SPON2: variants seen among roughly 807,000 people sequenced by gnomAD.
SPON2 encodes the protein spondin 2.
SPON2 carries 32 observed loss-of-function variants against 29.9 expected under a neutral mutation model. The observed-to-expected ratio is 1.07, with a 90% CI of 0.81 to 1.44. The LOEUF (loss-of-function observed/expected upper bound fraction) is 1.44, where lower values mean the gene tolerates loss of function less well. Ranked by LOEUF, SPON2 falls within the 40% of genes most tolerant of loss-of-function variation. SPON2 has a pLI of 0.00. For synonymous variants in SPON2, 248 were observed against 209.1 expected (o/e 1.19, Z -1.61); for missense variants, 541 against 455.5 (o/e 1.19, Z -1.71).
chr4:1,201,685 C>A (rs1037358950), intron 1 of SPON2, among the ~76,000 whole-genome samples: 2 of 152,102 alleles, frequency 1.3e-5, no homozygotes, highest in African/African-American at 2.4e-5. Context: ...TGGGTTCACG[C>A]CATCCTCCTG....
rs764415891 is a variant in SPON2, at chr4:1,170,418, A to T, written c.795T>A (p.Ile265=). ...GTCCGTTACCTGAGGCGCTGTCTAC[A>T]ATCTCATTGTCCCTGCTGGGCAGGA... ...APVLPSRDNE[I]VDSASVPETP... is the part of the protein sequence containing the mutation. Residue 265 remains isoleucine (I), a synonymous_variant, in exon 5 of 6, where the codon ATT becomes ATA. Coordinates refer to ENST00000290902, the MANE Select transcript of SPON2 (RefSeq NM_012445.4). The T allele has an allele frequency of 6.2e-7, 1 of 1,613,370 alleles. No individual in the cohort carries two copies. Among genetic ancestry groups the T allele is most frequent in the Admixed American group, 1.7e-5 (1 of 59,794 alleles).
At position 1,171,965 on chromosome 4, in the gene SPON2, G is replaced by T. The variant is rs955970825; in HGVS notation, c.107C>A (p.Ser36Tyr). The T allele has an allele frequency of 6.2e-7, 1 of 1,612,958 alleles. No homozygotes were observed. The highest frequency in any genetic ancestry group is 2.2e-5 in the East Asian group (1 of 44,876). The change falls in exon 2 of 6, where the codon TCC becomes TAC. Residue 36 changes from serine (S) to tyrosine (Y), a missense_variant. Ser to Tyr is a moderately radical substitution (Grantham distance 144). Transcript: ENST00000290902. ...GCTGTATTTGGCCAGGGCTCTGGCG[G>T]AACAGATGGACTCTCCCCCAAGAGG... ...GQPLGGESIC[S>Y]ARALAKYSIT...
At chr4:1,184,724 G>A (rs557286913) in intron 1 of SPON2, among the ~76,000 whole-genome samples, 2 of 152,124 alleles carry the variant, frequency 1.3e-5, no homozygotes, top group South Asian at 4.2e-4. Context: ...CACGAGGTCA[G>A]GAGTTCATGA....
At chr4:1,194,336 G>C (rs1354777470) in intron 1 of SPON2, among the ~76,000 whole-genome samples, 1 of 152,174 alleles carries the variant, frequency 6.6e-6, no homozygotes, top group African/African-American at 2.4e-5. Context: ...CCCGATAGAG[G>C]GACCACTTCA....
At chr4:1,203,380 C>T (rs1728261977) in intron 1 of SPON2, among the ~76,000 whole-genome samples, 1 of 152,196 alleles carries the variant, frequency 6.6e-6, no homozygotes, top group Non-Finnish European at 1.5e-5. Context: ...CGTCTGACCT[C>T]CTTCACTTGG....
At chr4:1,168,713 A>G (rs370055106) in intron 5 of SPON2, among the ~76,000 whole-genome samples, 2 of 152,170 alleles carry the variant, frequency 1.3e-5, no homozygotes, top group Non-Finnish European at 2.9e-5. Flanking sequence ...CCTGGCTGCA[A>G]TGAGGAGTCA....
At chr4:1,200,840 A>T (rs1463377920) in intron 1 of SPON2, 6 of 456,584 alleles carry the variant, frequency 1.3e-5, no homozygotes, top group African/African-American at 1.2e-4. Context: ...GGTGGGGCCA[A>T]GTCTGCAGTG....
upstream of SPON2, among the ~76,000 whole-genome samples, chr4:1,196,387 C>A (rs942665033): frequency 3.3e-5 from 5 of 152,214 alleles, no homozygotes; most frequent in East Asian, 9.6e-4. Flanking sequence ...CCATGGGAAC[C>A]TCTCATCTAT....
chr4:1,193,606 G>C (rs529076764), intron 1 of SPON2, among the ~76,000 whole-genome samples: 1 of 96,916 alleles, frequency 1.0e-5, no homozygotes, highest in African/African-American at 3.7e-5. Flanking sequence ...AACGTGGGGG[G>C]CATGGGAAGG....
chr4:1,172,440 C>G (rs1727489700), intron 1 of SPON2, 104 bp downstream of exon 1: 2 of 360,880 alleles, frequency 5.5e-6, no homozygotes, highest in Non-Finnish European at 1.0e-5. Flanking sequence ...CGGTCGCAGC[C>G]AGTCCTGGGG....
At position 1,186,067 on chromosome 4, in the gene SPON2, A is replaced by G. The variant is rs574344251; in HGVS notation, c.-238-6526T>C. Among the ~76,000 whole-genome samples the G allele has an allele frequency of 2.5e-3, 368 of 144,370 alleles. 5 individuals carry two copies. Among genetic ancestry groups the G allele is most frequent in the African/African-American group, 6.9e-3 (285 of 41,092 alleles). 94.7% of individuals were successfully genotyped at this position (144,370 alleles called of 152,430 possible). A position where few individuals can be genotyped will look rare whatever the true frequency, so the allele number is the denominator to read the frequency against. On this transcript the variant is annotated intron_variant, in intron 1 of 3. Coordinates refer to the SPON2 transcript ENST00000502483. ...AGACCATCCTGGCTAACACGGTGAA[A>G]CCCCATCTCTACTAAAAATACAAAA...
chr4:1,184,249 A>C (rs1006704012), intron 1 of SPON2, among the ~76,000 whole-genome samples: 1 of 152,234 alleles, frequency 6.6e-6, no homozygotes, highest in Admixed American at 6.5e-5. Context: ...GGTTGCAGGC[A>C]TGAGCCACTG....
chr4:1,187,782 T>C (rs1727832743), intron 1 of SPON2, among the ~76,000 whole-genome samples: 1 of 152,140 alleles, frequency 6.6e-6, no homozygotes, highest in Admixed American at 6.5e-5. Context: ...CCAGCACAGA[T>C]GTCTAATCAT....
At chr4:1,190,181 T>A (rs6839063) in intron 1 of SPON2, among the ~76,000 whole-genome samples, 73,958 of 151,066 alleles carry the variant, frequency 0.49, 18,566 homozygotes, top group Non-Finnish European at 0.55. Flanking sequence ...ATAATCTAAA[T>A]GAAATGAACA....
Position 1,170,480 on chromosome 4 carries a change from G to A in SPON2, c.733C>T (p.Arg245Ter), listed in dbSNP as rs746337641. Residue 245 changes from arginine to a stop codon, truncating the protein, a stop_gained, in exon 5 of 6, where the codon CGA becomes TGA. Coordinates refer to ENST00000290902, the MANE Select transcript of SPON2 (RefSeq NM_012445.4). LOFTEE classifies it high-confidence loss of function. ...PIARVTLVRLRQSPRAFIPPA... is the reference protein window; with the variant it reads ...PIARVTLVRL ...GGGATGAAGGCCCTGGGGCTCTGTCGCAGCCGCACCAGTGTCACCCTGGCG... is the reference window on the plus strand; with the variant it reads ...GGGATGAAGGCCCTGGGGCTCTGTCACAGCCGCACCAGTGTCACCCTGGCG... 23 of 1,613,886 alleles carry A rather than the reference G, an allele frequency of 1.4e-5. No individual in the cohort carries two copies. Among genetic ancestry groups the A allele is most frequent in the Middle Eastern group, 1.6e-4 (1 of 6,078 alleles).
At chr4:1,204,586 G>A (rs1193763228) in intron 1 of SPON2, among the ~76,000 whole-genome samples, 1 of 152,340 alleles carries the variant, frequency 6.6e-6, no homozygotes, top group Admixed American at 6.5e-5. Context: ...AAAACCTGGT[G>A]GCCACGGTTC....
intron 1 of SPON2, among the ~76,000 whole-genome samples, chr4:1,184,355 A>T (rs1468791236): frequency 1.3e-5 from 2 of 152,254 alleles, no homozygotes; most frequent in African/African-American, 4.8e-5. Context: ...AATTCAGCTC[A>T]ATGCTGTCTA....
intron 1 of SPON2, among the ~76,000 whole-genome samples, chr4:1,185,769 A>G (rs1254631025): frequency 6.6e-6 from 1 of 151,924 alleles, no homozygotes; most frequent in Non-Finnish European, 1.5e-5. Flanking sequence ...ATTAACTCAA[A>G]ACTGATTAAA....
At chr4:1,178,421 A>C (rs1329255314) in intron 2 of SPON2, among the ~76,000 whole-genome samples, 1 of 151,280 alleles carries the variant, frequency 6.6e-6, no homozygotes, top group African/African-American at 2.4e-5. Flanking sequence ...CCTCATCTTC[A>C]GACTCGAAGG....
Sources: gnomAD v4.1 joint callset for allele counts (sites outside exome capture counted in the v4.1 genomes callset) on GRCh38, gnomAD v4.1.1 for gene constraint, MANE v1.5 for transcripts, NCBI Gene and HGNC (gene_info 2026-07-23, HGNC 2026-07-21) for gene names.